The following RCN1 variants were observed in gnomAD, a reference collection of about 807,000 sequenced individuals.
The protein encoded by RCN1 is reticulocalbin-1.
RCN1 carries 14 observed loss-of-function variants against 34.7 expected under a neutral mutation model. The observed-to-expected ratio is 0.40, with a 90% CI of 0.27 to 0.63. RCN1 has a LOEUF of 0.63. Ranked by LOEUF, RCN1 falls within the 30% of genes least tolerant of loss-of-function variation. The pLI is 0.37. For synonymous variants in RCN1, 125 were observed against 165.5 expected, an observed-to-expected ratio of 0.76 and a Z score of 1.88; for missense variants, 326 against 425.1, an observed-to-expected ratio of 0.77 and a Z score of 2.05.
At chr11:32,101,127 C>T (rs1050555953) in intron 4 of RCN1, among the ~76,000 whole-genome samples, 1 of 152,216 alleles carries the variant, frequency 6.6e-6, no homozygotes, top group Non-Finnish European at 1.5e-5. Context: ...ATAATATGCT[C>T]ATTTTGTGCC....
chr11:32,101,549 C>T (rs1053466454), intron 4 of RCN1, among the ~76,000 whole-genome samples: 4 of 152,308 alleles, frequency 2.6e-5, no homozygotes, highest in Admixed American at 1.3e-4. Context: ...ACTTTGCCAT[C>T]CCAGACACGA....
Position 32,097,289 on chromosome 11 carries a change from A to G in RCN1, c.400A>G (p.Lys134Glu), listed in dbSNP as rs1256733622. 1.3e-6 allele frequency: 2 copies of G among 1,591,852 alleles called. No homozygotes were observed. The highest frequency in any genetic ancestry group is 1.7e-6 in the Non-Finnish European group (2 of 1,173,832). Reference sequence around the variant, plus strand: ...GGATTATGATAGGGACAAGGATGATAAAATTTCCTGGGAAGAATACAAACA... The same window carrying G: ...GGATTATGATAGGGACAAGGATGATGAAATTTCCTGGGAAGAATACAAACA... ...WKDYDRDKDD[K>E]ISWEEYKQAT... Residue 134 changes from lysine to glutamate, a missense_variant, in exon 2 of 6, where the codon AAA becomes GAA. By Grantham distance (56) the Lys-to-Glu change is moderately conservative (BLOSUM62 1). Transcript: ENST00000054950.
chr11:32,091,760 AG>A (rs1851924552), intron 1 of RCN1: 1 of 411,842 alleles, frequency 2.4e-6, no homozygotes, highest in Non-Finnish European at 4.3e-6. Flanking sequence ...ATCAGAAGGG[AG>A]GGGAGAGTGC....
At chr11:32,094,864 C>G in intron 1 of RCN1, among the ~76,000 whole-genome samples, 1 of 152,148 alleles carries the variant, frequency 6.6e-6, no homozygotes, top group African/African-American at 2.4e-5. Context: ...GGCTTCATCT[C>G]CATCCTAGCT....
rs752277905 is a variant in RCN1, at chr11:32,097,337, G to A, written c.448G>A (p.Gly150Arg). ...ACAAGCCACCTATGGTTACTACCTA[G>A]GTAAGAGGTGCTGCAGGAGCGATGA... ...YKQATYGYYLGNPAEFHDSSD... is the reference protein window; with the variant it reads ...YKQATYGYYLRNPAEFHDSSD... The change falls in exon 2 of 6, where the codon GGA becomes AGA. Residue 150 changes from glycine (G) to arginine (R), a missense_variant and splice_region_variant. By Grantham distance (125) the Gly-to-Arg change is moderately radical (BLOSUM62 -2). Transcript: ENST00000054950. The A allele has an allele frequency of 3.9e-6, 6 of 1,545,962 alleles. No homozygotes were observed. The highest frequency in any genetic ancestry group is 4.3e-6 in the Non-Finnish European group (5 of 1,153,526).
intron 2 of RCN1, among the ~76,000 whole-genome samples, chr11:32,098,149 G>A (rs995810329): frequency 2.6e-5 from 4 of 152,176 alleles, no homozygotes; most frequent in Admixed American, 6.5e-5. Flanking sequence ...CCCCTAATAT[G>A]CCATGAGGCC....
At chr11:32,098,250 C>T in intron 2 of RCN1, 100 bp from the exon 3 acceptor site, 3 of 1,087,056 alleles carry the variant, frequency 2.8e-6, no homozygotes, top group Non-Finnish European at 2.7e-6. Context: ...CCTTTTTTCC[C>T]TATATGTACC....
At chr11:32,095,270 G>T (rs1851960471) in intron 1 of RCN1, among the ~76,000 whole-genome samples, 1 of 150,976 alleles carries the variant, frequency 6.6e-6, no homozygotes, top group Non-Finnish European at 1.5e-5. Flanking sequence ...TTAAAGACAG[G>T]GTCTTGATTT....
intron 4 of RCN1, 95 bp from the exon 5 acceptor site, chr11:32,103,186 T>TTTGGCACATGGC: frequency 9.0e-7 from 1 of 1,117,146 alleles, no homozygotes; most frequent in Middle Eastern, 2.0e-4. Context: ...GTTGTCGCCT[T>TTTGGCACATGGC]TCCTAAAGCT....
chr11:32,095,469 G>C (rs968824573), intron 1 of RCN1, among the ~76,000 whole-genome samples: 5 of 151,942 alleles, frequency 3.3e-5, no homozygotes, highest in Admixed American at 6.6e-5. Context: ...GTGCAGTGGC[G>C]TGATCTCGGC....
chr11:32,093,721 T>C (rs1851944007), intron 1 of RCN1, among the ~76,000 whole-genome samples: 1 of 152,178 alleles, frequency 6.6e-6, no homozygotes, highest in Non-Finnish European at 1.5e-5. Flanking sequence ...AGGAAGGACC[T>C]TGGTGAGATG....
At chr11:32,102,162 T>A (rs1242354252) in intron 4 of RCN1, 1 of 152,046 alleles carries the variant, frequency 6.6e-6, no homozygotes, top group East Asian at 1.9e-4. Flanking sequence ...GGGGTGGTAG[T>A]AGGAAGAGCA....
At chr11:32,097,477 TC>T in intron 2 of RCN1, 140 bp downstream of exon 2, 1 of 509,118 alleles carries the variant, frequency 2.0e-6, no homozygotes, top group Middle Eastern at 3.7e-4. Flanking sequence ...TATAACACCC[TC>T]CTCTGTAAAC....
chr11:32,091,648 G>C, intron 1 of RCN1, 198 bp downstream of exon 1: 1 of 626,688 alleles, frequency 1.6e-6, no homozygotes, highest in South Asian at 2.6e-5. Context: ...GGAGATCGCC[G>C]CCGCCGCGCC....
chr11:32,100,480 C>T lies in RCN1; in HGVS notation c.628-68C>T, dbSNP rs960693686. The T allele has an allele frequency of 7.8e-6, 10 of 1,273,894 alleles. No individual in the cohort carries two copies. In the South Asian group the frequency reaches 8.4e-5, roughly 11 times the overall value. 78.9% of individuals were successfully genotyped at this position (1,273,894 alleles called of 1,614,324 possible). On this transcript the variant is annotated intron_variant, in intron 3 of 5. Transcript: ENST00000054950. ...GCCGTAAAAGCTGGACAAATGAGGA[C>T]AATAGAATTCTCAGACTTCTTAGAG...
At chr11:32,096,590 T>C (rs1590218139) in intron 1 of RCN1, 1 of 115,212 alleles carries the variant, frequency 8.7e-6, no homozygotes, top group Admixed American at 9.0e-5. Context: ...TTTGTATCCA[T>C]GGTGGTGGGA....
intron 5 of RCN1, 119 bp downstream of exon 5, chr11:32,103,599 T>G: frequency 2.3e-6 from 2 of 868,670 alleles, no homozygotes; most frequent in Non-Finnish European, 3.8e-6. Flanking sequence ...TGACTTTTCC[T>G]TCTTGTCCTA....
At position 32,104,386 on chromosome 11, in the gene RCN1, G is replaced by A. The variant is rs754500807; in HGVS notation, c.910G>A (p.Glu304Lys). ...KNKDEKLTKEEILENWNMFVG... is the reference protein window; with the variant it reads ...KNKDEKLTKEKILENWNMFVG... Reference sequence around the variant, plus strand: ...ATAGGATGAGAAGCTAACTAAAGAGGAAATATTGGAGAACTGGAACATGTT... The same window carrying A: ...ATAGGATGAGAAGCTAACTAAAGAGAAAATATTGGAGAACTGGAACATGTT... The change falls in exon 6 of 6, where the codon GAA becomes AAA. Residue 304 changes from glutamate (E) to lysine (K), a missense_variant. Glu to Lys is a moderately conservative substitution (Grantham distance 56, BLOSUM62 1). Coordinates refer to ENST00000054950, the MANE Select transcript of RCN1 (RefSeq NM_002901.4). The A allele has an allele frequency of 7.6e-6, 12 of 1,575,650 alleles. No homozygotes were observed. Among genetic ancestry groups the A allele is most frequent in the Non-Finnish European group, 9.6e-6 (11 of 1,145,748 alleles).
At chr11:32,103,176 G>A (rs1852065728) in intron 4 of RCN1, 105 bp from the exon 5 acceptor site, 1 of 938,338 alleles carries the variant, frequency 1.1e-6, no homozygotes, top group African/African-American at 1.6e-5. Flanking sequence ...CTCTGGATTG[G>A]TTGTCGCCTT....
Sources: allele counts gnomAD v4.1 joint callset (sites outside exome capture counted in the v4.1 genomes callset), GRCh38; gene constraint gnomAD v4.1.1; transcripts MANE v1.5; gene names NCBI Gene and HGNC (gene_info 2026-07-23, HGNC 2026-07-21).